The following LUZP2 variants were observed in gnomAD, a reference collection of about 807,000 sequenced individuals.
LUZP2 encodes leucine zipper protein 2.
LUZP2 carries 52 observed loss-of-function variants against 51.6 expected under a neutral mutation model. The ratio of observed to expected loss-of-function variants is 1.01; its 90% CI spans 0.81 to 1.27. The LOEUF (loss-of-function observed/expected upper bound fraction) is 1.27, where lower values mean the gene tolerates loss of function less well. LUZP2 is among the 50% of genes most tolerant of loss of function. The pLI is 0.00. For synonymous variants in LUZP2, 154 were observed against 137.3 expected, an observed-to-expected ratio of 1.12 and a Z score of -0.85; for missense variants, 436 against 395.4, an observed-to-expected ratio of 1.10 and a Z score of -0.87.
At chr11:24,790,972 C>G (rs896457664) in intron 5 of LUZP2, among the ~76,000 whole-genome samples, 1 of 152,070 alleles carries the variant, frequency 6.6e-6, no homozygotes, top group Non-Finnish European at 1.5e-5. Flanking sequence ...GTATACTTTT[C>G]CTATGTGTAT....
At chr11:24,546,735 T>G (rs1851555697) in intron 1 of LUZP2, among the ~76,000 whole-genome samples, 1 of 151,994 alleles carries the variant, frequency 6.6e-6, no homozygotes, top group South Asian at 2.1e-4. Context: ...GAAGTTTTCT[T>G]TTATTGTTGT....
At chr11:25,067,809 C>T (rs1316159949) in intron 10 of LUZP2, among the ~76,000 whole-genome samples, 1 of 151,880 alleles carries the variant, frequency 6.6e-6, no homozygotes, top group African/African-American at 2.4e-5. Context: ...CCCAGCAGTC[C>T]CATTACTATG....
At chr11:24,998,968 A>ATTCT (rs1856593667) in intron 9 of LUZP2, among the ~76,000 whole-genome samples, 1 of 152,200 alleles carries the variant, frequency 6.6e-6, no homozygotes, top group Non-Finnish European at 1.5e-5. Flanking sequence ...GTCTGTTAGA[A>ATTCT]GTCATCACCA....
intron 1 of LUZP2, among the ~76,000 whole-genome samples, chr11:24,579,354 A>T (rs1852769595): frequency 6.6e-6 from 1 of 152,116 alleles, no homozygotes; most frequent in Non-Finnish European, 1.5e-5. Context: ...AGACTAGGAG[A>T]TATATACACT....
intron 9 of LUZP2, among the ~76,000 whole-genome samples, chr11:25,001,752 T>C (rs964103011): frequency 6.6e-6 from 1 of 152,024 alleles, no homozygotes; most frequent in African/African-American, 2.4e-5. Flanking sequence ...TGACTTTCTG[T>C]CAGTCTCTTC....
chr11:24,577,178 A>G (rs1282202908), intron 1 of LUZP2, among the ~76,000 whole-genome samples: 2 of 152,058 alleles, frequency 1.3e-5, no homozygotes, highest in Non-Finnish European at 2.9e-5. Flanking sequence ...TAAAATGATA[A>G]CACTTCTGCT....
Position 24,922,825 on chromosome 11 carries a change from CTTTTTTTTTTTCTTT to C in LUZP2, c.522+8299_522+8313del, listed in dbSNP as rs1854102628. ...GGACTACCAAGTGGCACAGTTATAT[CTTTTTTTTTTTCTTT>C]TTTTTTTTTTTTTTTTTTTTTTTTT... On this transcript the variant is annotated intron_variant, in intron 7 of 11. Coordinates refer to ENST00000336930, the MANE Select transcript of LUZP2 (RefSeq NM_001009909.4). Among the ~76,000 whole-genome samples, 54 of 44,612 alleles carry C rather than the reference CTTTTTTTTTTTCTTT, an allele frequency of 1.2e-3. 4 individuals carry two copies. Among genetic ancestry groups the C allele is most frequent in the African/African-American group, 2.4e-3 (52 of 21,920 alleles). The allele number at this position is 44,612 out of a possible 152,430, so 29.3% of individuals were successfully genotyped here.
At chr11:24,556,750 A>C (rs1252102032) in intron 1 of LUZP2, among the ~76,000 whole-genome samples, 1 of 152,138 alleles carries the variant, frequency 6.6e-6, no homozygotes, top group Middle Eastern at 3.2e-3. Context: ...TGTCCTATAC[A>C]TATTTTCCAA....
intron 1 of LUZP2, among the ~76,000 whole-genome samples, chr11:24,570,679 T>C (rs1852405682): frequency 6.6e-6 from 1 of 152,082 alleles, no homozygotes; most frequent in South Asian, 2.1e-4. Flanking sequence ...TGGAAGAATA[T>C]GCAGCATCCA....
intron 1 of LUZP2, among the ~76,000 whole-genome samples, chr11:24,628,926 G>A (rs1015392062): frequency 4.6e-5 from 7 of 152,120 alleles, no homozygotes; most frequent in Admixed American, 2.0e-4. Context: ...ACATATACAC[G>A]TATAGATATG....
chr11:24,532,308 T>C (rs1453812194), intron 1 of LUZP2, among the ~76,000 whole-genome samples: 1 of 150,932 alleles, frequency 6.6e-6, no homozygotes, highest in African/African-American at 2.4e-5. Context: ...ATACAATCTG[T>C]ATTTAAGTTC....
Position 24,836,026 on chromosome 11 carries a change from A to C in LUZP2, c.397-69965A>C, listed in dbSNP as rs78808867. Among the ~76,000 whole-genome samples, 1,341 of 152,114 alleles carry C rather than the reference A, an allele frequency of 8.8e-3. 17 individuals are homozygous for C. The highest frequency in any genetic ancestry group is 0.031 in the African/African-American group (1,282 of 41,550). ...TAAATGCAGATGCCATATGGTACCC[A>C]GTATTTCAGTGGTTAATAGCATAGA... On this transcript the variant is annotated intron_variant, in intron 5 of 11. Transcript: ENST00000336930.
chr11:24,766,960 C>A (rs1860214832), intron 5 of LUZP2, among the ~76,000 whole-genome samples: 1 of 152,122 alleles, frequency 6.6e-6, no homozygotes, highest in African/African-American at 2.4e-5. Flanking sequence ...TGGGGCATCA[C>A]CGTGTTGGCC....
At chr11:24,970,499 T>A (rs896796986) in intron 7 of LUZP2, among the ~76,000 whole-genome samples, 1 of 152,164 alleles carries the variant, frequency 6.6e-6, no homozygotes, top group Non-Finnish European at 1.5e-5. Flanking sequence ...GGAGAATTTT[T>A]AAAAATTGTA....
chr11:24,563,332 T>C (rs1376861165), intron 1 of LUZP2, among the ~76,000 whole-genome samples: 2 of 152,226 alleles, frequency 1.3e-5, no homozygotes, highest in Non-Finnish European at 2.9e-5. Flanking sequence ...TTATGTTTTA[T>C]GACATTGAGA....
intron 4 of LUZP2, among the ~76,000 whole-genome samples, chr11:24,751,866 C>G (rs1859601661): frequency 6.6e-6 from 1 of 151,620 alleles, no homozygotes; most frequent in African/African-American, 2.4e-5. Context: ...TTAAATATAC[C>G]CAAGGAGTTA....
intron 10 of LUZP2, among the ~76,000 whole-genome samples, chr11:25,076,670 G>A (rs1351711063): frequency 6.7e-6 from 1 of 149,660 alleles, no homozygotes; most frequent in Non-Finnish European, 1.5e-5. Context: ...AGGGAAGGAG[G>A]GAGGGAGGGA....
At chr11:24,533,604 A>G (rs1268914483) in intron 1 of LUZP2, among the ~76,000 whole-genome samples, 1 of 151,310 alleles carries the variant, frequency 6.6e-6, no homozygotes, top group African/African-American at 2.4e-5. Context: ...ATGCAAAAGT[A>G]AAACTTATCC....
At chr11:24,562,097 G>A (rs1335692761) in intron 1 of LUZP2, among the ~76,000 whole-genome samples, 1 of 152,008 alleles carries the variant, frequency 6.6e-6, no homozygotes, top group African/African-American at 2.4e-5. Flanking sequence ...TTTATGTGAG[G>A]TATCTACGTT....
Sources: gnomAD v4.1 joint callset for allele counts (sites outside exome capture counted in the v4.1 genomes callset) on GRCh38, gnomAD v4.1.1 for gene constraint, MANE v1.5 for transcripts, NCBI Gene and HGNC (gene_info 2026-07-23, HGNC 2026-07-21) for gene names.